Variants in ZSCAN5A observed in about 807,000 individuals in gnomAD.
The protein encoded by ZSCAN5A is zinc finger and SCAN domain-containing protein 5A.
In ZSCAN5A, 12 loss-of-function variants were observed where a neutral mutation model predicts 23.7. The observed-to-expected ratio is 0.51, with a 90% CI of 0.32 to 0.82. The LOEUF (loss-of-function observed/expected upper bound fraction) is 0.82. Ranked by LOEUF, ZSCAN5A falls within the 40% of genes least tolerant of loss-of-function variation. The probability of loss-of-function intolerance (pLI) is 0.03; values close to 1 mark genes in which losing one functional copy is unlikely to be tolerated. For synonymous variants in ZSCAN5A, 257 were observed against 239.9 expected (o/e 1.07, Z -0.66); for missense variants, 597 against 617.9 (o/e 0.97, Z 0.36).
Position 56,221,641 on chromosome 19 carries a change from T to C in ZSCAN5A, c.1425A>G (p.Arg475=). ...TTAACAATTTCAGCCGACTGAAGGC[T>C]CTTGGACACTTGGAACATTTGTAGG... is the stretch of plus-strand genomic sequence containing the variant. ...EKPYKCSKCP[R]AFSRLKLLRR... Residue 475 remains arginine, a synonymous_variant, in exon 6 of 6, where the codon AGA becomes AGG. Transcript: ENST00000683990. 6.2e-7 allele frequency: 1 copy of C among 1,614,094 alleles called. No homozygotes were observed. Among genetic ancestry groups the C allele is most frequent in the Non-Finnish European group, 8.5e-7 (1 of 1,179,974 alleles).
chr19:56,289,023 G>C (rs1449781413), intron 2 of ZSCAN5A, among the ~76,000 whole-genome samples: 6 of 152,192 alleles, frequency 3.9e-5, no homozygotes, highest in Admixed American at 3.9e-4. Flanking sequence ...CCTGGCATCA[G>C]GAGCATCATC....
intron 2 of ZSCAN5A, among the ~76,000 whole-genome samples, chr19:56,292,370 CTTCT>C (rs2039568241): frequency 6.6e-6 from 1 of 152,090 alleles, no homozygotes; most frequent in Admixed American, 6.5e-5. Context: ...TCAAGCGATC[CTTCT>C]TTCTTAGCCT....
At chr19:56,239,967 G>C (rs554303697) in intron 2 of ZSCAN5A, among the ~76,000 whole-genome samples, 2 of 152,042 alleles carry the variant, frequency 1.3e-5, no homozygotes, top group East Asian at 1.9e-4. Context: ...TTCAAGACCA[G>C]CCTGGCCAAC....
intron 2 of ZSCAN5A, among the ~76,000 whole-genome samples, chr19:56,252,985 C>G (rs2036455341): frequency 6.6e-6 from 1 of 152,252 alleles, no homozygotes. Context: ...TGGGATATCC[C>G]TCCCACCCCC....
intron 2 of ZSCAN5A, among the ~76,000 whole-genome samples, chr19:56,234,498 A>T (rs555761736): frequency 3.6e-5 from 5 of 139,578 alleles, no homozygotes; most frequent in African/African-American, 9.5e-5. Flanking sequence ...TACCTGTTTT[A>T]AAAAAAAAAC....
intron 2 of ZSCAN5A, among the ~76,000 whole-genome samples, chr19:56,231,059 G>A (rs889693357): frequency 6.6e-6 from 1 of 152,090 alleles, no homozygotes; most frequent in East Asian, 1.9e-4. Flanking sequence ...AAAAAAACAC[G>A]AAAGTTCACT....
chr19:56,292,539 C>T (rs1222382516), intron 2 of ZSCAN5A, among the ~76,000 whole-genome samples: 4 of 151,612 alleles, frequency 2.6e-5, no homozygotes, highest in African/African-American at 9.7e-5. Context: ...CCTCCTACCT[C>T]AGCCTCCCAA....
At chr19:56,302,079 A>T in intron 2 of ZSCAN5A, 1 of 1,231,822 alleles carries the variant, frequency 8.1e-7, no homozygotes, top group Non-Finnish European at 1.0e-6. Flanking sequence ...TTCGTATCCT[A>T]CAACAAAGGG....
intron 2 of ZSCAN5A, among the ~76,000 whole-genome samples, chr19:56,248,553 G>A (rs2036119496): frequency 6.6e-6 from 1 of 152,060 alleles, no homozygotes; most frequent in South Asian, 2.1e-4. Flanking sequence ...ACTGCATCCT[G>A]TATTGTTTGT....
chr19:56,297,639 C>T, intron 2 of ZSCAN5A: 1 of 622,966 alleles, frequency 1.6e-6, no homozygotes, highest in Non-Finnish European at 2.0e-6. Flanking sequence ...CAAGGCCCTG[C>T]AGGGGCTTTG....
At chr19:56,222,363 C>T (rs373548457) in intron 5 of ZSCAN5A, 37 bp from the exon 6 acceptor site, 81 of 1,599,360 alleles carry the variant, frequency 5.1e-5, no homozygotes, top group South Asian at 6.7e-5. Context: ...GTTAATAAAG[C>T]GCATTTTCAA....
chr19:56,322,145 G>T (rs1055535345), intron 2 of ZSCAN5A: 3 of 772,076 alleles, frequency 3.9e-6, no homozygotes, highest in Non-Finnish European at 7.2e-6. Context: ...AGCGTCTCTG[G>T]AAGGAGGCTC....
chr19:56,241,210 C>T (rs1359372929), intron 2 of ZSCAN5A, among the ~76,000 whole-genome samples: 2 of 152,166 alleles, frequency 1.3e-5, no homozygotes, highest in Non-Finnish European at 2.9e-5. Flanking sequence ...CCATTGCTTG[C>T]TTTAATGGGA....
chr19:56,242,306 A>G (rs966466035), intron 2 of ZSCAN5A, among the ~76,000 whole-genome samples: 1 of 152,154 alleles, frequency 6.6e-6, no homozygotes, highest in African/African-American at 2.4e-5. Flanking sequence ...ACCTTTTCCT[A>G]GACCTGCTGG....
chr19:56,245,297 G>A (rs1045007939), intron 2 of ZSCAN5A: 1 of 733,966 alleles, frequency 1.4e-6, no homozygotes, highest in African/African-American at 1.7e-5. Context: ...CCCTGCCAGT[G>A]TCAGAGATGA....
At position 56,314,816 on chromosome 19, in the gene ZSCAN5A, T is replaced by A. The variant is rs2041267193; in HGVS notation, c.-365A>T. The A allele has an allele frequency of 6.6e-6, 1 of 152,228 alleles. No individual in the cohort carries two copies. Among genetic ancestry groups the A allele is most frequent in the Non-Finnish European group, 1.5e-5 (1 of 68,068 alleles). The allele number at this position is 152,228 out of a possible 1,614,324, so 9.4% of individuals were successfully genotyped here. ...GGCCGGGGAGAGCGGGACGCCTGGA[T>A]CGGGAACTTGTCGCATTCACATTGG... On this transcript the variant is annotated 5_prime_UTR_variant, in exon 1 of 6. Transcript: ENST00000683990.
intron 2 of ZSCAN5A, among the ~76,000 whole-genome samples, chr19:56,240,133 G>T (rs1433935661): frequency 1.3e-5 from 2 of 151,696 alleles, no homozygotes; most frequent in Non-Finnish European, 2.9e-5. Flanking sequence ...CTGAACTCTA[G>T]CCTGGGGGAC....
At chr19:56,368,223 A>G (rs2041787994) in exon 1 of ZSCAN5A, 1 of 152,386 alleles carries the variant, frequency 6.6e-6, no homozygotes, top group African/African-American at 2.4e-5. Context: ...TGTCCCAGGT[A>G]GCTCGTCTCT....
intron 2 of ZSCAN5A, among the ~76,000 whole-genome samples, chr19:56,253,487 C>T (rs1036381553): frequency 2.6e-5 from 4 of 152,124 alleles, no homozygotes; most frequent in Admixed American, 6.6e-5. Flanking sequence ...AAATAAAGCA[C>T]GCAAATAACA....
Sources: gnomAD v4.1 joint callset for allele counts (sites outside exome capture counted in the v4.1 genomes callset) on GRCh38, gnomAD v4.1.1 for gene constraint, MANE v1.5 for transcripts, NCBI Gene and HGNC (gene_info 2026-07-23, HGNC 2026-07-21) for gene names.